PTPRD: variants seen among roughly 807,000 people sequenced by gnomAD.
PTPRD encodes protein tyrosine phosphatase receptor type D.
In PTPRD, 34 loss-of-function variants were observed where a neutral mutation model predicts 214.5. That is an observed-to-expected ratio of 0.16 (90% CI 0.12 to 0.21). PTPRD has a LOEUF of 0.21. Ranked by LOEUF, PTPRD falls within the 10% of genes least tolerant of loss-of-function variation. The probability of loss-of-function intolerance (pLI) is 1.00; values close to 1 mark genes in which losing one functional copy is unlikely to be tolerated. For missense variants in PTPRD, 2,545 were observed against 2,398.7 expected (o/e 1.06, Z -1.27); for synonymous variants, 1,128 against 845.7 (o/e 1.33, Z -5.79).
intron 14 of PTPRD, among the ~76,000 whole-genome samples, chr9:8,572,811 T>A (rs975893210): frequency 6.6e-6 from 1 of 152,084 alleles, no homozygotes. Context: ...ATATATTTCA[T>A]ATTACTGTGT....
intron 11 of PTPRD, among the ~76,000 whole-genome samples, chr9:8,855,400 C>G (rs2097897591): frequency 6.6e-6 from 1 of 152,118 alleles, no homozygotes; most frequent in African/African-American, 2.4e-5. Flanking sequence ...AAATAAATTG[C>G]TGCATTTCAT....
chr9:9,322,637 A>G (rs1967066469), intron 9 of PTPRD, among the ~76,000 whole-genome samples: 1 of 152,180 alleles, frequency 6.6e-6, no homozygotes, highest in Admixed American at 6.5e-5. Context: ...GACTTGGATC[A>G]CTGCCCTGTT....
chr9:9,936,297 A>C (rs1252344536), intron 5 of PTPRD, among the ~76,000 whole-genome samples: 54 of 151,280 alleles, frequency 3.6e-4, no homozygotes, highest in African/African-American at 6.8e-4. Context: ...AGGCAACCTA[A>C]AAAATGGGAG....
At chr9:9,955,225 A>T (rs1379823214) in intron 4 of PTPRD, among the ~76,000 whole-genome samples, 1 of 152,222 alleles carries the variant, frequency 6.6e-6, no homozygotes, top group Non-Finnish European at 1.5e-5. Context: ...ATTGATAAAG[A>T]ACAAATGAAT....
At chr9:9,638,469 A>G (rs1261324080) in intron 7 of PTPRD, among the ~76,000 whole-genome samples, 1 of 152,216 alleles carries the variant, frequency 6.6e-6, no homozygotes, top group Non-Finnish European at 1.5e-5. Context: ...GTTTCTGTGT[A>G]AAACCTCATC....
At chr9:9,179,377 G>A (rs2099926786) in intron 10 of PTPRD, among the ~76,000 whole-genome samples, 1 of 152,044 alleles carries the variant, frequency 6.6e-6, no homozygotes, top group Non-Finnish European at 1.5e-5. Flanking sequence ...CATTTTAACA[G>A]TTTCTGGCTA....
At chr9:9,834,289 T>A (rs917824480) in intron 5 of PTPRD, among the ~76,000 whole-genome samples, 2 of 152,012 alleles carry the variant, frequency 1.3e-5, no homozygotes, top group Non-Finnish European at 2.9e-5. Context: ...TCATTCACTG[T>A]ATGTAGTGTG....
chr9:9,740,954 A>G (rs1050479307), intron 6 of PTPRD, among the ~76,000 whole-genome samples: 2 of 152,146 alleles, frequency 1.3e-5, no homozygotes, highest in Admixed American at 6.5e-5. Flanking sequence ...TTCATTGTGG[A>G]AATAGATATA....
intron 11 of PTPRD, among the ~76,000 whole-genome samples, chr9:8,929,795 G>GTGTATATA (rs2098935069): frequency 8.9e-6 from 1 of 112,680 alleles, no homozygotes; most frequent in Non-Finnish European, 1.8e-5. Context: ...GTATATATGT[G>GTGTATATA]TGTGTATATA....
chr9:9,055,672 G>A (rs563406531), intron 10 of PTPRD, among the ~76,000 whole-genome samples: 7 of 151,774 alleles, frequency 4.6e-5, no homozygotes, highest in African/African-American at 1.7e-4. Flanking sequence ...ATTCAACAGT[G>A]ACTTTAAAAT....
In PTPRD at chr9:9,352,007, T is replaced by C. The variant is rs116239063; in HGVS notation, c.-203+45442A>G. Among the ~76,000 whole-genome samples the C allele has an allele frequency of 6.1e-3, 920 of 152,038 alleles. 8 individuals are homozygous for C. Among genetic ancestry groups the C allele is most frequent in the African/African-American group, 0.02 (850 of 41,504 alleles). On this transcript the variant is annotated intron_variant, in intron 9 of 45. Coordinates refer to ENST00000381196, the MANE Select transcript of PTPRD (RefSeq NM_002839.4). ...TTCTGATATGCAAATAAAAGAATAC[T>C]ATATTGTTCAGGCTGGTCCCAAACT...
chr9:10,215,093 C>G (rs768992656), intron 3 of PTPRD, among the ~76,000 whole-genome samples: 57 of 151,920 alleles, frequency 3.8e-4, no homozygotes, highest in Admixed American at 1.7e-3. Context: ...TATCTTGCCT[C>G]CAAGCACAAT....
chr9:9,847,007 A>T (rs1033966065), intron 5 of PTPRD, among the ~76,000 whole-genome samples: 3 of 152,148 alleles, frequency 2.0e-5, no homozygotes, highest in Non-Finnish European at 4.4e-5. Context: ...TGCCAGAAAA[A>T]AATAAAGCAT....
At chr9:9,777,710 A>G (rs572095314) in intron 5 of PTPRD, among the ~76,000 whole-genome samples, 1 of 152,332 alleles carries the variant, frequency 6.6e-6, no homozygotes, top group East Asian at 1.9e-4. Flanking sequence ...AACAAAAACA[A>G]AAAAGTTAAA....
Position 9,812,227 on chromosome 9 carries a change from G to A in PTPRD, c.-367-45376C>T, listed in dbSNP as rs1047204666. On this transcript the variant is annotated intron_variant, in intron 5 of 45. Coordinates refer to ENST00000381196, the MANE Select transcript of PTPRD (RefSeq NM_002839.4). ...ATATTTATGGGAAACCAAAAATTTT[G>A]TATCACTCACTTCATAGTGATGTTT... 2.6e-5 allele frequency among the ~76,000 whole-genome samples: 4 copies of A among 152,142 alleles called. No homozygotes were observed. The South Asian group carries it at 6.2e-4, about 24-fold the overall frequency.
chr9:9,813,048 C>G (rs2047638680), intron 5 of PTPRD, among the ~76,000 whole-genome samples: 1 of 151,988 alleles, frequency 6.6e-6, no homozygotes, highest in African/African-American at 2.4e-5. Flanking sequence ...ACAACACACT[C>G]TTAATGCAAT....
At chr9:10,222,935 G>A (rs570736106) in intron 3 of PTPRD, among the ~76,000 whole-genome samples, 4 of 152,046 alleles carry the variant, frequency 2.6e-5, no homozygotes, top group Non-Finnish European at 4.4e-5. Flanking sequence ...TTGGTGGAGG[G>A]CAGTGGTAGT....
intron 8 of PTPRD, among the ~76,000 whole-genome samples, chr9:9,427,141 T>TA (rs1467635093): frequency 2.0e-5 from 3 of 152,054 alleles, no homozygotes; most frequent in African/African-American, 7.2e-5. Context: ...TTTGAACCCG[T>TA]TACAAAGAAG....
At chr9:10,361,060 C>CAT (rs2097376768) in intron 2 of PTPRD, among the ~76,000 whole-genome samples, 1 of 152,104 alleles carries the variant, frequency 6.6e-6, no homozygotes, top group Non-Finnish European at 1.5e-5. Flanking sequence ...CGAGATGGAG[C>CAT]CACTGCACTC....
Sources: allele counts gnomAD v4.1 joint callset (sites outside exome capture counted in the v4.1 genomes callset), GRCh38; gene constraint gnomAD v4.1.1; transcripts MANE v1.5; gene names NCBI Gene and HGNC (gene_info 2026-07-23, HGNC 2026-07-21).